KIAA0825: variants seen among roughly 807,000 people sequenced by gnomAD.
KIAA0825 encodes the protein uncharacterized protein KIAA0825.
A neutral mutation model predicts 147.6 loss-of-function variants in KIAA0825; 119 were observed. That is an observed-to-expected ratio of 0.81 (90% CI 0.69 to 0.94). KIAA0825 has a LOEUF of 0.94. Ranked by LOEUF, KIAA0825 falls within the 40% of genes least tolerant of loss-of-function variation. KIAA0825 has a pLI of 0.00. For synonymous variants in KIAA0825, 470 were observed against 518.1 expected (o/e 0.91, Z 1.26); for missense variants, 1,381 against 1,472.7 (o/e 0.94, Z 1.02).
At chr5:94,166,082 A>G (rs1768000015) in intron 20 of KIAA0825, among the ~76,000 whole-genome samples, 1 of 152,196 alleles carries the variant, frequency 6.6e-6, no homozygotes, top group Non-Finnish European at 1.5e-5. Flanking sequence ...TGCTTATTTC[A>G]CATTACATGC....
At chr5:94,296,065 C>G (rs772162190) in intron 20 of KIAA0825, among the ~76,000 whole-genome samples, 1 of 152,220 alleles carries the variant, frequency 6.6e-6, no homozygotes, top group Non-Finnish European at 1.5e-5. Flanking sequence ...CTATAAGCCA[C>G]TGACTGGGGC....
At chr5:94,594,976 G>A (rs1016644600) in intron 1 of KIAA0825, among the ~76,000 whole-genome samples, 3 of 152,098 alleles carry the variant, frequency 2.0e-5, no homozygotes, top group Admixed American at 2.0e-4. Context: ...ACAGCCTTGG[G>A]CAGCTCCACT....
At chr5:94,423,764 T>A (rs1319948317) in intron 14 of KIAA0825, among the ~76,000 whole-genome samples, 3 of 152,032 alleles carry the variant, frequency 2.0e-5, no homozygotes, top group African/African-American at 7.2e-5. Flanking sequence ...AGAGAAAGTA[T>A]AAAAATAGAA....
At chr5:94,395,207 C>A (rs548574635) in intron 17 of KIAA0825, among the ~76,000 whole-genome samples, 1 of 152,214 alleles carries the variant, frequency 6.6e-6, no homozygotes, top group South Asian at 2.1e-4. Context: ...TTGTACTCGC[C>A]CATCTGACTC....
intron 20 of KIAA0825, among the ~76,000 whole-genome samples, chr5:94,261,689 A>G (rs1776499750): frequency 1.3e-5 from 2 of 152,150 alleles, no homozygotes; most frequent in African/African-American, 4.8e-5. Context: ...TAGTGAACCA[A>G]TCTATACTGT....
intron 20 of KIAA0825, among the ~76,000 whole-genome samples, chr5:94,274,587 G>T (rs952998293): frequency 6.6e-6 from 1 of 152,110 alleles, no homozygotes; most frequent in African/African-American, 2.4e-5. Context: ...GGCTGATCAG[G>T]TATGGTTCTT....
At chr5:94,594,264 T>G in intron 1 of KIAA0825, 1 of 622,374 alleles carries the variant, frequency 1.6e-6, no homozygotes, top group Non-Finnish European at 3.1e-6. Context: ...ATCAGTCTGC[T>G]TGGAATGCCC....
Position 94,537,215 on chromosome 5 carries a change from A to T in KIAA0825, c.-1-88T>A, listed in dbSNP as rs551532699. 25 of 933,322 alleles carry T rather than the reference A, an allele frequency of 2.7e-5. No individual in the cohort carries two copies. The African/African-American group carries it at 3.7e-4, about 14-fold the overall frequency. 57.8% of individuals were successfully genotyped at this position (933,322 alleles called of 1,614,324 possible). ...GGGCAGAAATTCACCTCAAGTTGTG[A>T]TACTAAACCAAAAATAGTAATTCCT... On this transcript the variant is annotated intron_variant, in intron 2 of 20. Coordinates refer to ENST00000682413, the MANE Select transcript of KIAA0825 (RefSeq NM_001145678.3).
intron 20 of KIAA0825, among the ~76,000 whole-genome samples, chr5:94,228,949 C>A (rs1201666051): frequency 6.6e-6 from 1 of 152,148 alleles, no homozygotes; most frequent in African/African-American, 2.4e-5. Context: ...CCATTCCAGG[C>A]CCCACCCAGC....
chr5:94,175,398 C>A (rs1768998819), intron 20 of KIAA0825, among the ~76,000 whole-genome samples: 1 of 152,072 alleles, frequency 6.6e-6, no homozygotes, highest in South Asian at 2.1e-4. Flanking sequence ...GTGAGTGCAC[C>A]ACAGTTATTG....
chr5:94,234,366 G>A (rs181730283), intron 20 of KIAA0825, among the ~76,000 whole-genome samples: 1,510 of 148,830 alleles, frequency 0.01, 14 homozygotes, highest in African/African-American at 0.02. Flanking sequence ...GCGAGACTCC[G>A]TCTCAAAAAA....
intron 20 of KIAA0825, among the ~76,000 whole-genome samples, chr5:94,190,187 T>A (rs1770536700): frequency 6.6e-6 from 1 of 152,248 alleles, no homozygotes; most frequent in Non-Finnish European, 1.5e-5. Flanking sequence ...GGATTCCTTA[T>A]GATTTTCTAC....
intron 20 of KIAA0825, among the ~76,000 whole-genome samples, chr5:94,219,298 G>C (rs991573772): frequency 6.6e-6 from 1 of 151,974 alleles, no homozygotes; most frequent in Non-Finnish European, 1.5e-5. Flanking sequence ...CAGAGTTCAC[G>C]TTCCTATGAT....
At chr5:94,312,861 A>T (rs1779309492) in intron 20 of KIAA0825, among the ~76,000 whole-genome samples, 1 of 151,674 alleles carries the variant, frequency 6.6e-6, no homozygotes, top group Admixed American at 6.6e-5. Context: ...TTAGATTCAA[A>T]GGGTCCCCCA....
At chr5:94,410,716 G>A (rs566214131) in intron 15 of KIAA0825, among the ~76,000 whole-genome samples, 70 of 152,026 alleles carry the variant, frequency 4.6e-4, no homozygotes, top group African/African-American at 1.7e-3. Context: ...AAGGAAAAAC[G>A]AAAAAGAACA....
chr5:94,577,064 A>G (rs959634741), intron 2 of KIAA0825, among the ~76,000 whole-genome samples: 2 of 152,306 alleles, frequency 1.3e-5, no homozygotes, highest in East Asian at 3.9e-4. Context: ...TACATTTTCT[A>G]TTCTATTGCT....
intron 20 of KIAA0825, among the ~76,000 whole-genome samples, chr5:94,201,705 C>T (rs892133361): frequency 7.3e-5 from 11 of 151,590 alleles, no homozygotes; most frequent in East Asian, 3.9e-4. Context: ...TGGGCTACCA[C>T]GCCCCACCAT....
At chr5:94,247,655 A>G (rs987073742) in intron 20 of KIAA0825, among the ~76,000 whole-genome samples, 2 of 152,140 alleles carry the variant, frequency 1.3e-5, no homozygotes, top group East Asian at 1.9e-4. Context: ...TCACTAGACA[A>G]TAAGTTCCTT....
intron 20 of KIAA0825, among the ~76,000 whole-genome samples, chr5:94,370,007 A>G (rs1486770334): frequency 6.6e-6 from 1 of 152,180 alleles, no homozygotes; most frequent in Non-Finnish European, 1.5e-5. Flanking sequence ...TCCAAGTGAA[A>G]TAAAAACCTA....
Sources: gnomAD v4.1 joint callset for allele counts (sites outside exome capture counted in the v4.1 genomes callset) on GRCh38, gnomAD v4.1.1 for gene constraint, MANE v1.5 for transcripts, NCBI Gene and HGNC (gene_info 2026-07-23, HGNC 2026-07-21) for gene names.